The following VWA3B variants were observed in gnomAD, a reference collection of about 807,000 sequenced individuals.
The protein encoded by VWA3B is von Willebrand factor A domain containing 3B.
A neutral mutation model predicts 158.3 loss-of-function variants in VWA3B; 138 were observed. That is an observed-to-expected ratio of 0.87 (90% CI 0.76 to 1.00). VWA3B has a LOEUF of 1.00. Among genes scored for constraint, VWA3B ranks in the 50% least tolerant of loss-of-function variants. VWA3B has a pLI of 0.00. For synonymous variants in VWA3B, 596 were observed against 587.3 expected (o/e 1.01, Z -0.21); for missense variants, 1,555 against 1,565.1 (o/e 0.99, Z 0.11).
downstream of VWA3B, among the ~76,000 whole-genome samples, chr2:98,313,684 A>T (rs1267737494): frequency 6.6e-6 from 1 of 152,220 alleles, no homozygotes; most frequent in Non-Finnish European, 1.5e-5. Flanking sequence ...GAGAGATGCC[A>T]GCAGACTTGG....
rs753781629 is a variant in VWA3B, at chr2:98,181,054, G to C, written c.1153G>C (p.Glu385Gln). The C allele has an allele frequency of 6.2e-7, 1 of 1,614,212 alleles. No homozygotes were observed. The highest frequency in any genetic ancestry group is 1.1e-5 in the South Asian group (1 of 91,080). Residue 385 changes from glutamate (E) to glutamine (Q), a missense_variant, in exon 9 of 28, where the codon GAA (glutamate) becomes CAA (glutamine). Coordinates refer to ENST00000477737, the MANE Select transcript of VWA3B (RefSeq NM_144992.5). ...CTCTGTTGAGATTGCATCGAATCCA[G>C]AAGACACCTGGGACTCTAAGACATG... ...TTSVEIASNPEDTWDSKTWLQ... is the reference protein window; with the variant it reads ...TTSVEIASNPQDTWDSKTWLQ...
chr2:98,115,101 C>CTTTTTTTTTTTT (rs369549458), intron 2 of VWA3B, among the ~76,000 whole-genome samples: 2 of 131,640 alleles, frequency 1.5e-5, no homozygotes, highest in Non-Finnish European at 1.7e-5. Flanking sequence ...TCCTATGTTG[C>CTTTTTTTTTTTT]TTTTTTTTTT....
At chr2:98,169,516 T>C (rs1251125538) in intron 8 of VWA3B, among the ~76,000 whole-genome samples, 1 of 151,718 alleles carries the variant, frequency 6.6e-6, no homozygotes, top group Non-Finnish European at 1.5e-5. Context: ...AATAGCAAGA[T>C]GATAAACATA....
chr2:98,105,474 G>A (rs1673570009), intron 2 of VWA3B, among the ~76,000 whole-genome samples: 1 of 152,144 alleles, frequency 6.6e-6, no homozygotes, highest in Non-Finnish European at 1.5e-5. Flanking sequence ...AATCAAGAGA[G>A]AGAACTGTTT....
At chr2:98,248,248 A>G (rs954947763) in intron 19 of VWA3B, among the ~76,000 whole-genome samples, 2 of 152,188 alleles carry the variant, frequency 1.3e-5, no homozygotes, top group East Asian at 3.8e-4. Flanking sequence ...TAGATGGCTC[A>G]TAAATTTAAT....
intron 7 of VWA3B, among the ~76,000 whole-genome samples, chr2:98,140,677 G>A (rs1418583900): frequency 2.6e-5 from 4 of 152,172 alleles, no homozygotes; most frequent in East Asian, 3.9e-4. Context: ...GGACCAGAGC[G>A]ATGCTCCCTT....
At chr2:98,296,129 A>G (rs552492161) in intron 23 of VWA3B, among the ~76,000 whole-genome samples, 59 of 152,388 alleles carry the variant, frequency 3.9e-4, no homozygotes, top group South Asian at 6.2e-4. Context: ...CAACTTCTCA[A>G]TTTAGGCAAA....
At chr2:98,212,176 A>C in intron 13 of VWA3B, 148 bp downstream of exon 13, 1 of 591,076 alleles carries the variant, frequency 1.7e-6, no homozygotes, top group Non-Finnish European at 3.0e-6. Context: ...GAGGTGAGAA[A>C]ATACACTGAA....
chr2:98,213,797 T>C (rs1683744187), intron 13 of VWA3B, among the ~76,000 whole-genome samples: 1 of 152,164 alleles, frequency 6.6e-6, no homozygotes, highest in African/African-American at 2.4e-5. Flanking sequence ...GAGAGACATC[T>C]AGGCAAGTCA....
chr2:98,254,805 C>T (rs1351505025), intron 20 of VWA3B, among the ~76,000 whole-genome samples: 1 of 152,162 alleles, frequency 6.6e-6, no homozygotes, highest in Non-Finnish European at 1.5e-5. Flanking sequence ...GCTCCGGAGT[C>T]TACCCTCTTC....
In VWA3B at chr2:98,165,066, G is replaced by T. The variant is rs559123407; in HGVS notation, c.1114+2090G>T. Reference sequence around the variant, plus strand: ...CACCAAGCAGGGACTTGATGTCAGCGCATTCTTTGCCCTTTCACAATTAGG... The same window carrying T: ...CACCAAGCAGGGACTTGATGTCAGCTCATTCTTTGCCCTTTCACAATTAGG... On this transcript the variant is annotated intron_variant, in intron 8 of 27. Transcript: ENST00000477737. Among the ~76,000 whole-genome samples the T allele has an allele frequency of 3.9e-5, 6 of 152,294 alleles. No homozygotes were observed. In the East Asian group the frequency reaches 9.6e-4, roughly 24 times the overall value.
At chr2:98,158,769 G>A (rs1285031724) in intron 7 of VWA3B, among the ~76,000 whole-genome samples, 5 of 152,020 alleles carry the variant, frequency 3.3e-5, no homozygotes, top group African/African-American at 9.7e-5. Flanking sequence ...TGGGTGCAGC[G>A]GAGGGCTCAG....
intron 25 of VWA3B, among the ~76,000 whole-genome samples, chr2:98,302,333 T>G (rs1690250306): frequency 6.6e-6 from 1 of 152,176 alleles, no homozygotes; most frequent in Non-Finnish European, 1.5e-5. Flanking sequence ...CTCTCAATCC[T>G]TGAAGGCAGA....
At chr2:98,153,684 C>G (rs560757382) in intron 7 of VWA3B, among the ~76,000 whole-genome samples, 1 of 152,182 alleles carries the variant, frequency 6.6e-6, no homozygotes, top group African/African-American at 2.4e-5. Flanking sequence ...TTACTGGCAG[C>G]GGGAGATTCT....
At chr2:98,299,945 T>C (rs979057844) in intron 24 of VWA3B, 134 bp from the exon 25 acceptor site, 13 of 1,236,744 alleles carry the variant, frequency 1.1e-5, no homozygotes, top group Non-Finnish European at 1.4e-5. Flanking sequence ...CTTTCTTAAC[T>C]GAGAAAAAAA....
At chr2:98,273,193 C>T (rs1365649257) in intron 22 of VWA3B, among the ~76,000 whole-genome samples, 3 of 152,202 alleles carry the variant, frequency 2.0e-5, no homozygotes, top group African/African-American at 7.2e-5. Flanking sequence ...TCAGGTTCAT[C>T]ATCTTTGGTT....
chr2:98,213,177 A>G (rs946721600), intron 13 of VWA3B, among the ~76,000 whole-genome samples: 2 of 152,210 alleles, frequency 1.3e-5, no homozygotes, highest in Non-Finnish European at 2.9e-5. Flanking sequence ...GAGGTGTGGA[A>G]ATATGTGGGG....
intron 19 of VWA3B, chr2:98,245,663 T>A: frequency 2.2e-6 from 1 of 454,658 alleles, no homozygotes; most frequent in Non-Finnish European, 4.4e-6. Context: ...AAGCTGATCA[T>A]GATGAAATGT....
At chr2:98,317,468 A>C (rs1691113336), downstream of VWA3B, among the ~76,000 whole-genome samples, 1 of 152,176 alleles carries the variant, frequency 6.6e-6, no homozygotes, top group Non-Finnish European at 1.5e-5. Context: ...ACATCAACAC[A>C]GACCTTAAGC....
Sources: allele counts gnomAD v4.1 joint callset (sites outside exome capture counted in the v4.1 genomes callset), GRCh38; gene constraint gnomAD v4.1.1; transcripts MANE v1.5; gene names NCBI Gene and HGNC (gene_info 2026-07-23, HGNC 2026-07-21).